The following SLC35F4 variants were observed in gnomAD, a reference collection of about 807,000 sequenced individuals.
SLC35F4 encodes the protein chromosome 14 open reading frame 36.
SLC35F4 carries 24 observed loss-of-function variants against 44.2 expected under a neutral mutation model. The observed-to-expected ratio is 0.54, with a 90% CI of 0.39 to 0.76. The LOEUF (loss-of-function observed/expected upper bound fraction) is 0.76, where lower values mean the gene tolerates loss of function less well. Among genes scored for constraint, SLC35F4 ranks in the 30% least tolerant of loss-of-function variants. The probability of loss-of-function intolerance (pLI) is 0.00; values close to 1 mark genes in which losing one functional copy is unlikely to be tolerated. For synonymous variants in SLC35F4, 238 were observed against 223.6 expected (o/e 1.06, Z -0.57); for missense variants, 562 against 586.1 (o/e 0.96, Z 0.42).
chr14:57,851,391 G>A (rs189393041), intron 1 of SLC35F4, among the ~76,000 whole-genome samples: 1 of 152,124 alleles, frequency 6.6e-6, no homozygotes, highest in Non-Finnish European at 1.5e-5. Context: ...GTGCATTTGG[G>A]GGATAGGTGA....
chr14:57,768,058 T>C (rs1239794514), intron 1 of SLC35F4, among the ~76,000 whole-genome samples: 1 of 152,210 alleles, frequency 6.6e-6, no homozygotes, highest in Non-Finnish European at 1.5e-5. Context: ...CACTGGAGAA[T>C]TCTAGATGTT....
intron 1 of SLC35F4, among the ~76,000 whole-genome samples, chr14:57,888,492 C>T (rs1016149444): frequency 1.3e-5 from 2 of 152,192 alleles, no homozygotes; most frequent in African/African-American, 2.4e-5. Flanking sequence ...CTGCACTTCA[C>T]ACATTTGTTT....
chr14:57,736,899 A>G (rs1566808427), intron 1 of SLC35F4, among the ~76,000 whole-genome samples: 2 of 152,172 alleles, frequency 1.3e-5, no homozygotes, highest in Non-Finnish European at 1.5e-5. Flanking sequence ...GGGAGCTGCA[A>G]TTTGGTTTCA....
intron 1 of SLC35F4, among the ~76,000 whole-genome samples, chr14:57,854,920 C>T (rs964507386): frequency 1.3e-5 from 2 of 152,188 alleles, no homozygotes; most frequent in Non-Finnish European, 2.9e-5. Context: ...ACAATTTATA[C>T]TTGTGTTTAA....
intron 1 of SLC35F4, among the ~76,000 whole-genome samples, chr14:57,817,653 A>T (rs1882750423): frequency 6.6e-6 from 1 of 152,042 alleles, no homozygotes; most frequent in African/African-American, 2.4e-5. Flanking sequence ...ACAAGCAGAA[A>T]ATGCAGTGGG....
intron 1 of SLC35F4, among the ~76,000 whole-genome samples, chr14:57,930,098 G>A (rs74504907): frequency 3.8e-3 from 572 of 152,212 alleles, no homozygotes; most frequent in Non-Finnish European, 6.7e-3. Flanking sequence ...CAGAACATTC[G>A]CTTCTCAACT....
intron 1 of SLC35F4, among the ~76,000 whole-genome samples, chr14:57,642,377 T>C (rs1194026207): frequency 6.6e-6 from 1 of 152,168 alleles, no homozygotes; most frequent in East Asian, 1.9e-4. Context: ...ATCATTTTGC[T>C]TTTCCACAAC....
At chr14:57,852,419 C>T (rs1043944422) in intron 1 of SLC35F4, among the ~76,000 whole-genome samples, 3 of 152,068 alleles carry the variant, frequency 2.0e-5, no homozygotes, top group East Asian at 1.9e-4. Context: ...TTATAAGCTG[C>T]GTTCAGAGTT....
chr14:57,731,806 G>C (rs1474057453), intron 1 of SLC35F4, among the ~76,000 whole-genome samples: 1 of 152,172 alleles, frequency 6.6e-6, no homozygotes, highest in Non-Finnish European at 1.5e-5. Context: ...TCTGAAACTA[G>C]ACACATTAAA....
chr14:57,672,499 C>A (rs1335228151), intron 1 of SLC35F4, among the ~76,000 whole-genome samples: 1 of 152,074 alleles, frequency 6.6e-6, no homozygotes, highest in African/African-American at 2.4e-5. Flanking sequence ...GGCACTTTTT[C>A]CTACTAAGCC....
chr14:57,741,570 C>G (rs1185289349), intron 1 of SLC35F4, among the ~76,000 whole-genome samples: 1 of 152,112 alleles, frequency 6.6e-6, no homozygotes, highest in African/African-American at 2.4e-5. Context: ...AACAAATCCT[C>G]CAAGAAATGA....
chr14:57,660,954 A>C (rs1015700982), intron 1 of SLC35F4, among the ~76,000 whole-genome samples: 1 of 152,188 alleles, frequency 6.6e-6, no homozygotes, highest in Non-Finnish European at 1.5e-5. Context: ...TCATTTGTTA[A>C]GCAGTAGTAG....
intron 1 of SLC35F4, among the ~76,000 whole-genome samples, chr14:57,873,296 C>T (rs900488224): frequency 6.6e-6 from 1 of 152,086 alleles, no homozygotes; most frequent in Non-Finnish European, 1.5e-5. Context: ...CTTCTGAACG[C>T]CAAGGGGGAA....
At chr14:57,696,357 C>A (rs2075383785) in intron 1 of SLC35F4, among the ~76,000 whole-genome samples, 1 of 152,148 alleles carries the variant, frequency 6.6e-6, no homozygotes, top group African/African-American at 2.4e-5. Flanking sequence ...CAAATCTAAA[C>A]CACAATGAGA....
intron 1 of SLC35F4, among the ~76,000 whole-genome samples, chr14:57,622,522 A>G (rs1255167118): frequency 1.3e-5 from 2 of 150,680 alleles, no homozygotes; most frequent in Non-Finnish European, 3.0e-5. Context: ...CTTTGTAGGG[A>G]CATGGATGAA....
chr14:57,782,567 C>A (rs916383046), intron 1 of SLC35F4, among the ~76,000 whole-genome samples: 1 of 152,110 alleles, frequency 6.6e-6, no homozygotes, highest in Admixed American at 6.5e-5. Flanking sequence ...AAAGACAGAG[C>A]ATTAAATTGT....
At chr14:57,891,622 A>C (rs896181198) in intron 1 of SLC35F4, among the ~76,000 whole-genome samples, 1 of 152,178 alleles carries the variant, frequency 6.6e-6, no homozygotes, top group East Asian at 1.9e-4. Flanking sequence ...TGACTCCTGT[A>C]ATCCCAGCAC....
In SLC35F4 at chr14:57,681,173, T is replaced by G. The variant is rs866897055; in HGVS notation, c.104-87049A>C. ...AGCATGGTCCTGGTACCAAAACAGA[T>G]ATATAGACCAATGCAACAGAACAGA... On this transcript the variant is annotated intron_variant, in intron 1 of 7. Transcript: ENST00000556826. Among the ~76,000 whole-genome samples, 62 of 151,856 alleles carry G rather than the reference T, an allele frequency of 4.1e-4. 1 individual carries two copies. Among genetic ancestry groups the G allele is most frequent in the African/African-American group, 1.4e-3 (58 of 41,278 alleles).
intron 1 of SLC35F4, among the ~76,000 whole-genome samples, chr14:57,782,760 A>G (rs1566849242): frequency 6.6e-6 from 1 of 152,200 alleles, no homozygotes; most frequent in Non-Finnish European, 1.5e-5. Flanking sequence ...GTTCACACAC[A>G]TTTTGCAATG....
Sources: allele counts gnomAD v4.1 joint callset (sites outside exome capture counted in the v4.1 genomes callset), GRCh38; gene constraint gnomAD v4.1.1; transcripts MANE v1.5; gene names NCBI Gene and HGNC (gene_info 2026-07-23, HGNC 2026-07-21).